WAPL: variants seen among roughly 807,000 people sequenced by gnomAD.
The protein encoded by WAPL is wings apart-like protein homolog.
A neutral mutation model predicts 121.0 loss-of-function variants in WAPL; 5 were observed. The ratio of observed to expected loss-of-function variants is 0.04; its 90% CI spans 0.02 to 0.09. The LOEUF is 0.09. WAPL is among the 10% of genes least tolerant of loss of function. The pLI, the probability that WAPL is intolerant of heterozygous loss-of-function variation, is 1.00. For missense variants in WAPL, 999 were observed against 1,410.8 expected (o/e 0.71, Z 4.68); for synonymous variants, 480 against 481.5 (o/e 1.00, Z 0.04).
chr10:86,480,557 T>C (rs566857572), intron 4 of WAPL, among the ~76,000 whole-genome samples: 2 of 152,312 alleles, frequency 1.3e-5, no homozygotes, highest in East Asian at 1.9e-4. Context: ...AAAAATACCA[T>C]TAAATATTGA....
In WAPL at chr10:86,491,631, C is replaced by T. The variant is rs546059520; in HGVS notation, c.1644+5570G>A. 1.0e-3 allele frequency among the ~76,000 whole-genome samples: 156 copies of T among 151,032 alleles called. 1 individual carries two copies. The highest frequency in any genetic ancestry group is 3.7e-3 in the African/African-American group (153 of 41,112). On this transcript the variant is annotated intron_variant, in intron 4 of 18. Transcript: ENST00000298767. ...GATGAGCCTGAGCCATCTTATTGTA[C>T]AGAAGGCAAGGGAAGTGCTCAAAGA... is the stretch of plus-strand genomic sequence containing the variant.
intron 17 of WAPL, among the ~76,000 whole-genome samples, chr10:86,440,980 C>G (rs114540077): frequency 2.1e-3 from 319 of 151,640 alleles, no homozygotes; most frequent in African/African-American, 7.3e-3. Context: ...AGCATGAGTT[C>G]CTGCTCAAAT....
chr10:86,453,423 T>C lies in WAPL; in HGVS notation c.2834-88A>G, dbSNP rs186581010. 2.3e-4 allele frequency: 316 copies of C among 1,358,672 alleles called. 4 individuals carry two copies. In the East Asian group the frequency reaches 7.2e-3, roughly 31 times the overall value. 84.2% of individuals were successfully genotyped at this position (1,358,672 alleles called of 1,614,324 possible). ...AGATTTATTAACATGGATATTAACT[T>C]AGAATTGTATAGTCATTCCTCTATT... On this transcript the variant is annotated intron_variant, in intron 13 of 18. Coordinates refer to ENST00000298767, the MANE Select transcript of WAPL (RefSeq NM_015045.5).
Position 86,500,777 on chromosome 10 carries a change from T to C in WAPL, c.500-34A>G. The C allele has an allele frequency of 2.0e-6, 3 of 1,488,326 alleles. 1 individual carries two copies. The highest frequency in any genetic ancestry group is 2.7e-5 in the South Asian group (2 of 73,502). The allele number at this position is 1,488,326 out of a possible 1,614,324, so 92.2% of individuals were successfully genotyped here. A position where few individuals can be genotyped will look rare whatever the true frequency, so the allele number is the denominator to read the frequency against. ...ATAAGTCAAAGGATAAAAACATGAG[T>C]GGTATCAACATAAAAGTTAATAAAT... On this transcript the variant is annotated intron_variant, in intron 2 of 18. Coordinates refer to ENST00000298767, the MANE Select transcript of WAPL (RefSeq NM_015045.5).
At chr10:86,447,400 T>A (rs1383030767) in intron 15 of WAPL, among the ~76,000 whole-genome samples, 1 of 152,204 alleles carries the variant, frequency 6.6e-6, no homozygotes, top group African/African-American at 2.4e-5. Context: ...AAGACACAAC[T>A]TCAAGGATTA....
At chr10:86,454,973 TG>T (rs1174781272) in intron 12 of WAPL, among the ~76,000 whole-genome samples, 3 of 151,108 alleles carry the variant, frequency 2.0e-5, no homozygotes, top group Admixed American at 6.6e-5. Flanking sequence ...CCGCCCGGTC[TG>T]GGAAGTGAGG....
chr10:86,519,562 T>C (rs1842631041), intron 1 of WAPL, among the ~76,000 whole-genome samples: 1 of 152,210 alleles, frequency 6.6e-6, no homozygotes, highest in Non-Finnish European at 1.5e-5. Flanking sequence ...TCATCATACA[T>C]ATCTGCGTTA....
intron 1 of WAPL, among the ~76,000 whole-genome samples, chr10:86,520,990 C>T (rs1056702470): frequency 6.6e-6 from 1 of 152,156 alleles, no homozygotes; most frequent in Non-Finnish European, 1.5e-5. Flanking sequence ...AACTTTTCTC[C>T]TCCCAACCCG....
chr10:86,458,296 T>TA lies in WAPL; in HGVS notation c.2657+692dup, dbSNP rs1841195020. Reference sequence around the variant, plus strand: ...AGATATCAGGAAGAGGTTGCTGTAATAAGACAGAACCAGGACTGGAGACAT... The same window carrying TA: ...AGATATCAGGAAGAGGTTGCTGTAATAAAGACAGAACCAGGACTGGAGACAT... On this transcript the variant is annotated intron_variant, in intron 12 of 18. Coordinates refer to ENST00000298767, the MANE Select transcript of WAPL (RefSeq NM_015045.5). Among the ~76,000 whole-genome samples the TA allele has an allele frequency of 2.6e-5, 4 of 152,316 alleles. No homozygotes were observed. The South Asian group carries it at 8.3e-4, about 32-fold the overall frequency.
At chr10:86,495,024 G>A (rs1454057445) in intron 4 of WAPL, among the ~76,000 whole-genome samples, 1 of 151,912 alleles carries the variant, frequency 6.6e-6, no homozygotes, top group Non-Finnish European at 1.5e-5. Flanking sequence ...GGTAAAATAG[G>A]AAAAATAAGG....
rs767272875 is a variant in WAPL at position 86,499,786 on chromosome 10, G to A, written c.1457C>T (p.Pro486Leu). 12 of 1,611,108 alleles carry A rather than the reference G, an allele frequency of 7.4e-6. No homozygotes were observed. The East Asian group carries it at 2.5e-4, about 33-fold the overall frequency. Residue 486 changes from proline to leucine, a missense_variant, in exon 3 of 19, where the codon CCC becomes CTC. This residue lies in a region of WAPL where 531 missense variants were observed against 563.1 expected (regional missense o/e 0.94). Transcript: ENST00000298767. ...SKKRTKTAPS[P>L]SLQPPPESND... ...GCTTTCTGGGGGAGGCTGCAAGGAGGGTGATGGAGCTGTTTTAGTTCTTTT... is the reference window on the plus strand; with the variant it reads ...GCTTTCTGGGGGAGGCTGCAAGGAGAGTGATGGAGCTGTTTTAGTTCTTTT...
intron 3 of WAPL, among the ~76,000 whole-genome samples, chr10:86,498,706 CTAGA>C (rs1440752016): frequency 1.3e-5 from 2 of 152,174 alleles, no homozygotes; most frequent in African/African-American, 2.4e-5. Context: ...TTCTTCCTCA[CTAGA>C]TAGTCAATCC....
intron 5 of WAPL, 139 bp downstream of exon 5, chr10:86,473,739 C>T: frequency 1.6e-6 from 1 of 612,224 alleles, no homozygotes; most frequent in Non-Finnish European, 2.7e-6. Flanking sequence ...TAAACTGAAA[C>T]TAATAAGTTT....
At position 86,437,593 on chromosome 10, in the gene WAPL, T is replaced by C; in HGVS notation, c.3523A>G (p.Thr1175Ala). Reference sequence around the variant, plus strand: ...ACTCTAGAGATAGATTTCTGGCCAGTTGTTCCAACAGCACACTGAAAGCAG... The same window carrying C: ...ACTCTAGAGATAGATTTCTGGCCAGCTGTTCCAACAGCACACTGAAAGCAG... Reference protein sequence around the residue: ...FMNLTCAVGTTGQKSISRVIE... With the variant: ...FMNLTCAVGTAGQKSISRVIE... Residue 1175 changes from threonine to alanine, a missense_variant, in exon 19 of 19, where the codon ACT becomes GCT. This residue lies in a region of WAPL where 35 missense variants were observed against 80.3 expected (regional missense o/e 0.44). Transcript: ENST00000298767. 1 of 1,613,980 alleles carries C rather than the reference T, an allele frequency of 6.2e-7. No individual in the cohort carries two copies. The highest frequency in any genetic ancestry group is 8.5e-7 in the Non-Finnish European group (1 of 1,179,950).
chr10:86,487,915 AAAAG>A (rs1841960924), intron 4 of WAPL, among the ~76,000 whole-genome samples: 1 of 152,228 alleles, frequency 6.6e-6, no homozygotes, highest in South Asian at 2.1e-4. Context: ...AACAAACAAA[AAAAG>A]AGTTAATGCT....
intron 2 of WAPL, among the ~76,000 whole-genome samples, chr10:86,508,255 T>C (rs1206730392): frequency 6.6e-6 from 1 of 152,164 alleles, no homozygotes; most frequent in Admixed American, 6.5e-5. Flanking sequence ...CTTTCAGTAA[T>C]AACCTCTTTG....
Position 86,437,512 on chromosome 10 carries a change from T to C in WAPL, c.*31A>G. Reference sequence around the variant, plus strand: ...TCTTTGTCTAAGGATAGCTCCAGCATTACCGAGCACCTGAAGCAAAGGTAA... The same window carrying C: ...TCTTTGTCTAAGGATAGCTCCAGCACTACCGAGCACCTGAAGCAAAGGTAA... On this transcript the variant is annotated 3_prime_UTR_variant, in exon 19 of 19. Coordinates refer to ENST00000298767, the MANE Select transcript of WAPL (RefSeq NM_015045.5). The C allele has an allele frequency of 6.2e-7, 1 of 1,608,996 alleles. No homozygotes were observed. Among genetic ancestry groups the C allele is most frequent in the Non-Finnish European group, 8.5e-7 (1 of 1,177,048 alleles).
At chr10:86,499,130 T>C (rs558142996) in intron 3 of WAPL, among the ~76,000 whole-genome samples, 15 of 152,316 alleles carry the variant, frequency 9.8e-5, no homozygotes, top group Admixed American at 6.5e-4. Context: ...CATACACATA[T>C]ATGCTTTAAA....
chr10:86,511,969 C>A (rs189960760), intron 2 of WAPL, among the ~76,000 whole-genome samples: 71 of 152,252 alleles, frequency 4.7e-4, no homozygotes, highest in Middle Eastern at 6.8e-3. Context: ...TTATCCACTT[C>A]TCTTAAAAAG....
Sources: allele counts gnomAD v4.1 joint callset (sites outside exome capture counted in the v4.1 genomes callset), GRCh38; gene constraint gnomAD v4.1.1; regional missense constraint gnomAD v4.1.1; transcripts MANE v1.5; gene names NCBI Gene and HGNC (gene_info 2026-07-23, HGNC 2026-07-21).